The following PDE10A variants were observed in gnomAD, a reference collection of about 807,000 sequenced individuals.
PDE10A encodes phosphodiesterase 10A, also known as cAMP and cAMP-inhibited cGMP 3',5'-cyclic phosphodiesterase 10A.
In PDE10A, 39 loss-of-function variants were observed where a neutral mutation model predicts 97.7. The ratio of observed to expected loss-of-function variants is 0.40; its 90% confidence interval spans 0.31 to 0.52. The LOEUF is 0.52. Ranked by LOEUF, PDE10A falls within the 20% of genes least tolerant of loss-of-function variation. The probability of loss-of-function intolerance (pLI) is 0.56; values close to 1 mark genes in which losing one functional copy is unlikely to be tolerated. For synonymous variants in PDE10A, 371 were observed against 376.8 expected (o/e 0.98, Z 0.18); for missense variants, 731 against 1,047.8 (o/e 0.70, Z 4.17).
intron 1 of PDE10A, among the ~76,000 whole-genome samples, chr6:165,691,234 C>CACACAA: frequency 6.7e-6 from 1 of 148,740 alleles, no homozygotes; most frequent in African/African-American, 2.5e-5. Context: ...CACACACACA[C>CACACAA]ACACACAGAG....
chr6:165,893,807 G>A (rs1044028753), intron 1 of PDE10A, among the ~76,000 whole-genome samples: 1 of 150,060 alleles, frequency 6.7e-6, no homozygotes, highest in Admixed American at 6.7e-5. Flanking sequence ...GGTTTGAATC[G>A]CAACAACATT....
At chr6:165,590,787 A>G (rs1031303026) in intron 1 of PDE10A, among the ~76,000 whole-genome samples, 1 of 152,182 alleles carries the variant, frequency 6.6e-6, no homozygotes, top group African/African-American at 2.4e-5. Flanking sequence ...GCTACTCAGG[A>G]GGCTGAGGCA....
intron 1 of PDE10A, among the ~76,000 whole-genome samples, chr6:165,590,608 A>G (rs1002983285): frequency 3.3e-5 from 5 of 152,180 alleles, no homozygotes; most frequent in Admixed American, 2.0e-4. Flanking sequence ...ACAACTTAAG[A>G]TGGTCAGGCA....
chr6:165,538,291 T>C (rs1485208044), intron 2 of PDE10A, among the ~76,000 whole-genome samples: 4 of 152,080 alleles, frequency 2.6e-5, no homozygotes, highest in Non-Finnish European at 5.9e-5. Flanking sequence ...ATTTAAGGTA[T>C]CAGGCAGCAC....
intron 1 of PDE10A, among the ~76,000 whole-genome samples, chr6:165,899,237 G>A (rs934720884): frequency 7.9e-5 from 12 of 152,066 alleles, no homozygotes; most frequent in Admixed American, 3.9e-4. Context: ...AGATACTTCC[G>A]GTATCAACTT....
At chr6:165,493,113 G>T (rs1753926335) in intron 2 of PDE10A, among the ~76,000 whole-genome samples, 1 of 151,996 alleles carries the variant, frequency 6.6e-6, no homozygotes, top group Non-Finnish European at 1.5e-5. Flanking sequence ...AAATACTTAG[G>T]AATACACTTA....
chr6:165,774,465 GTATA>G (rs1778105883), intron 1 of PDE10A, among the ~76,000 whole-genome samples: 1 of 147,170 alleles, frequency 6.8e-6, no homozygotes, highest in Non-Finnish European at 1.5e-5. Context: ...AAATAAACAT[GTATA>G]TATAATATAT....
At chr6:165,502,176 T>C (rs183750211) in intron 2 of PDE10A, among the ~76,000 whole-genome samples, 25 of 152,188 alleles carry the variant, frequency 1.6e-4, no homozygotes, top group African/African-American at 6.0e-4. Flanking sequence ...AAAATGTGTA[T>C]AAGAAAACAG....
chr6:165,825,660 C>T (rs575624721), intron 1 of PDE10A, among the ~76,000 whole-genome samples: 1 of 152,324 alleles, frequency 6.6e-6, no homozygotes, highest in South Asian at 2.1e-4. Flanking sequence ...AGCAAGACTG[C>T]AGTTACCCAG....
At chr6:165,949,076 CA>C (rs1310204053) in intron 1 of PDE10A, 1 of 152,088 alleles carries the variant, frequency 6.6e-6, no homozygotes, top group African/African-American at 2.4e-5. Context: ...CTCTATTTTT[CA>C]AAAAGAAATA....
chr6:165,726,072 A>G (rs1487795238), intron 1 of PDE10A, among the ~76,000 whole-genome samples: 3 of 152,192 alleles, frequency 2.0e-5, no homozygotes, highest in African/African-American at 7.2e-5. Flanking sequence ...TTTAATATAG[A>G]CAAGAACATA....
chr6:165,902,528 C>A (rs1250263848), intron 1 of PDE10A, among the ~76,000 whole-genome samples: 2 of 152,170 alleles, frequency 1.3e-5, no homozygotes, highest in African/African-American at 4.8e-5. Context: ...TCCCAATACT[C>A]CCTCACAGAA....
chr6:165,638,881 T>C (rs1431403582), intron 1 of PDE10A, among the ~76,000 whole-genome samples: 2 of 152,176 alleles, frequency 1.3e-5, no homozygotes, highest in Admixed American at 6.5e-5. Context: ...ACTCAAACAT[T>C]ATATAACAAT....
At chr6:165,689,248 G>A (rs766088669) in intron 1 of PDE10A, among the ~76,000 whole-genome samples, 6 of 152,186 alleles carry the variant, frequency 3.9e-5, no homozygotes, top group South Asian at 2.1e-4. Context: ...TGGATAAAAC[G>A]ACACTAACTC....
intron 1 of PDE10A, among the ~76,000 whole-genome samples, chr6:165,652,939 G>A (rs1449191279): frequency 6.6e-6 from 1 of 152,188 alleles, no homozygotes; most frequent in South Asian, 2.1e-4. Context: ...CATCAACTCA[G>A]GGTGGCTGCT....
At chr6:165,550,306 C>G (rs1783949147) in intron 1 of PDE10A, among the ~76,000 whole-genome samples, 1 of 152,092 alleles carries the variant, frequency 6.6e-6, no homozygotes, top group South Asian at 2.1e-4. Flanking sequence ...TATACGTAAC[C>G]AATAATCTCT....
intron 16 of PDE10A, among the ~76,000 whole-genome samples, chr6:165,390,138 G>A (rs1369606947): frequency 6.6e-6 from 1 of 152,082 alleles, no homozygotes; most frequent in Non-Finnish European, 1.5e-5. Context: ...GGAAAGAGAA[G>A]GATTAAGAAA....
intron 1 of PDE10A, among the ~76,000 whole-genome samples, chr6:165,596,387 T>C (rs1002676056): frequency 1.3e-5 from 2 of 152,180 alleles, no homozygotes; most frequent in African/African-American, 4.8e-5. Flanking sequence ...CTCAATACAG[T>C]AGCCACAGTG....
At chr6:165,951,501 A>T (rs1333635598) in intron 1 of PDE10A, among the ~76,000 whole-genome samples, 1 of 151,932 alleles carries the variant, frequency 6.6e-6, no homozygotes, top group East Asian at 1.9e-4. Context: ...CCAACCGTCA[A>T]TTGCCCCTCC....
Sources: gnomAD v4.1 joint callset for allele counts (sites outside exome capture counted in the v4.1 genomes callset) on GRCh38, gnomAD v4.1.1 for gene constraint, MANE v1.5 for transcripts, NCBI Gene and HGNC (gene_info 2026-07-23, HGNC 2026-07-21) for gene names.